The following TECTA variants were observed in gnomAD, a reference collection of about 807,000 sequenced individuals.
The protein encoded by TECTA is tectorin alpha, also known as alpha-tectorin.
In TECTA, 128 loss-of-function variants were observed where a neutral mutation model predicts 216.8. That is an observed-to-expected ratio of 0.59 (90% confidence interval 0.51 to 0.68). TECTA has a LOEUF of 0.68. Ranked by LOEUF, TECTA falls within the 30% of genes least tolerant of loss-of-function variation. The probability of loss-of-function intolerance (pLI) is 0.00; values close to 1 mark genes in which losing one functional copy is unlikely to be tolerated. For missense variants in TECTA, 2,551 were observed against 2,786.2 expected, an observed-to-expected ratio of 0.92 and a Z score of 1.90; for synonymous variants, 1,089 against 1,117.1, an observed-to-expected ratio of 0.97 and a Z score of 0.50.
Position 121,118,654 on chromosome 11 carries a change from A to T in TECTA, c.1139A>T (p.Glu380Val), listed in dbSNP as rs779392787. The part of the protein sequence containing the change: ...RRGSAVSWVK[E>V]LSVEVNGYKI... The stretch of plus-strand genomic sequence containing the variant: ...GGTTCAGCCGTCTCCTGGGTGAAGG[A>T]GCTCTCAGTGGAGGTGAATGGCTAC... Residue 380 changes from glutamate to valine, a missense_variant, in exon 7 of 24, where the codon GAG becomes GTG. Around this residue, in one of 3 missense-constraint regions of TECTA, gnomAD observed 2,375 missense variants for 2,563.9 expected, o/e 0.93. Coordinates refer to ENST00000392793, the MANE Select transcript of TECTA (RefSeq NM_005422.4). 1 of 1,614,110 alleles carries T rather than the reference A, an allele frequency of 6.2e-7. No homozygotes were observed. Among genetic ancestry groups the T allele is most frequent in the South Asian group, 1.1e-5 (1 of 91,078 alleles).
At chr11:121,143,765 G>C (rs566440920) in intron 11 of TECTA, among the ~76,000 whole-genome samples, 6 of 152,318 alleles carry the variant, frequency 3.9e-5, no homozygotes, top group Admixed American at 3.9e-4. Context: ...GTGGGGTCAA[G>C]GGCATCCCTG....
Position 121,105,743 on chromosome 11 carries a change from A to G in TECTA, c.65-88A>G. 6.4e-7 allele frequency: 1 copy of G among 1,563,718 alleles called. No homozygotes were observed. The highest frequency in any genetic ancestry group is 8.7e-7 in the Non-Finnish European group (1 of 1,146,260). On this transcript the variant is annotated intron_variant, in intron 2 of 23. Coordinates refer to ENST00000392793, the MANE Select transcript of TECTA (RefSeq NM_005422.4). The surrounding 1 kb of genome is among the most constrained non-coding windows in gnomAD (Gnocchi z 5.3). ...CATTCAGCTTGCAAGCCCTACTGAAAGAAGCTGGCTTCAGTAGGTAGGAGA... is the reference window on the plus strand; with the variant it reads ...CATTCAGCTTGCAAGCCCTACTGAAGGAAGCTGGCTTCAGTAGGTAGGAGA...
At chr11:121,158,637 A>G (rs1946968707) in intron 14 of TECTA, among the ~76,000 whole-genome samples, 1 of 152,106 alleles carries the variant, frequency 6.6e-6, no homozygotes, top group South Asian at 2.1e-4. Flanking sequence ...CATCCTTTCT[A>G]TAAGCTAAGG....
intron 20 of TECTA, among the ~76,000 whole-genome samples, chr11:121,186,313 G>A (rs921162028): frequency 6.6e-6 from 1 of 152,252 alleles, no homozygotes; most frequent in African/African-American, 2.4e-5. Context: ...CTGGGGACAT[G>A]CAGGCCACTT....
rs940235231 is a variant in TECTA at position 121,175,907 on chromosome 11, C to T, written c.5999+6982C>T. On this transcript the variant is annotated intron_variant, in intron 20 of 23. Coordinates refer to ENST00000392793, the MANE Select transcript of TECTA (RefSeq NM_005422.4). Reference sequence around the variant, plus strand: ...GTGCATATGTATTTAGGATAGTTAGCTCTTCTTGTTGAATTGATCCCTTTA... The same window carrying T: ...GTGCATATGTATTTAGGATAGTTAGTTCTTCTTGTTGAATTGATCCCTTTA... Among the ~76,000 whole-genome samples the T allele has an allele frequency of 3.1e-3, 472 of 152,218 alleles. 2 individuals carry two copies. The highest frequency in any genetic ancestry group is 5.0e-3 in the Non-Finnish European group (339 of 68,004).
At chr11:121,167,429 C>T (rs1947065128) in intron 18 of TECTA, among the ~76,000 whole-genome samples, 1 of 152,078 alleles carries the variant, frequency 6.6e-6, no homozygotes. Context: ...GACCCTGTTG[C>T]TAAAAACAAA....
chr11:121,113,505 A>T lies in TECTA; in HGVS notation c.625-48A>T. 6.2e-7 allele frequency: 1 copy of T among 1,612,770 alleles called. No individual in the cohort carries two copies. Among genetic ancestry groups the T allele is most frequent in the Non-Finnish European group, 8.5e-7 (1 of 1,178,950 alleles). On this transcript the variant is annotated intron_variant, in intron 5 of 23. Transcript: ENST00000392793. The surrounding 1 kb of genome is among the most constrained non-coding windows in gnomAD (Gnocchi z 4.2). The stretch of plus-strand genomic sequence containing the variant: ...ATAAGGTAGTTGGGCCAGTTAACCC[A>T]TGGGGAATTTTTGTACTCAAAAATC...
In TECTA at chr11:121,127,348, TG is replaced by T. The variant is rs1946622523; in HGVS notation, c.1775-402del. Among the ~76,000 whole-genome samples, 1 of 152,222 alleles carries T rather than the reference TG, an allele frequency of 6.6e-6. No homozygotes were observed. The highest frequency in any genetic ancestry group is 2.4e-5 in the African/African-American group (1 of 41,454). ...TACATTTTTCATTTCTCCTGAAAAT[TG>T]GATTTATTTCCTTCTAAGAATGGAC... On this transcript the variant is annotated intron_variant, in intron 8 of 23. Transcript: ENST00000392793. The surrounding 1 kb of genome is among the most constrained non-coding windows in gnomAD (Gnocchi z 5.0).
chr11:121,122,495 A>T (rs912490212), intron 7 of TECTA, among the ~76,000 whole-genome samples: 7 of 152,120 alleles, frequency 4.6e-5, no homozygotes, highest in African/African-American at 1.7e-4. Context: ...AGACTAAAAC[A>T]GAAGATTGGT....
chr11:121,133,686 G>A (rs908383440), intron 10 of TECTA, among the ~76,000 whole-genome samples: 1 of 152,186 alleles, frequency 6.6e-6, no homozygotes, highest in African/African-American at 2.4e-5. Context: ...ATCTTCAGCT[G>A]TGCATCTCCA....
In TECTA at chr11:121,181,571, G is replaced by A. The variant is rs541036712; in HGVS notation, c.6000-6261G>A. Among the ~76,000 whole-genome samples, 5 of 152,250 alleles carry A rather than the reference G, an allele frequency of 3.3e-5. No homozygotes were observed. In the East Asian group the frequency reaches 9.7e-4, roughly 29 times the overall value. ...CACAACCTCTGCCTCCCGGGTTCAA[G>A]TGATTCTCCTGCCTCAGCCTCCTGA... is the stretch of plus-strand genomic sequence containing the variant. On this transcript the variant is annotated intron_variant, in intron 20 of 23. Coordinates refer to ENST00000392793, the MANE Select transcript of TECTA (RefSeq NM_005422.4).
intron 14 of TECTA, among the ~76,000 whole-genome samples, chr11:121,159,821 A>T (rs1421820483): frequency 6.6e-6 from 1 of 152,184 alleles, no homozygotes; most frequent in Non-Finnish European, 1.5e-5. Context: ...CCTCTCCCCT[A>T]CTTCTGCTCC....
At position 121,137,609 on chromosome 11, in the gene TECTA, C is replaced by A; in HGVS notation, c.3130C>A (p.Gln1044Lys). ...GTGTGGCTGCAACTTTGAGGGGCAC[C>A]AACTTGCCACCAATGAGACCTTCTG... is the stretch of plus-strand genomic sequence containing the variant. ...SECGCNFEGH[Q>K]LATNETFWVD... is the part of the protein sequence containing the mutation. The change falls in exon 11 of 24, where the codon CAA becomes AAA. Residue 1044 changes from glutamine (Q) to lysine (K), a missense_variant. Transcript: ENST00000392793. 1.2e-6 allele frequency: 2 copies of A among 1,613,910 alleles called. No individual in the cohort carries two copies. Among genetic ancestry groups the A allele is most frequent in the Non-Finnish European group, 1.7e-6 (2 of 1,179,996 alleles).
At chr11:121,169,578 A>G (rs1245405566) in intron 20 of TECTA, among the ~76,000 whole-genome samples, 4 of 152,220 alleles carry the variant, frequency 2.6e-5, no homozygotes, top group South Asian at 2.1e-4. Flanking sequence ...TAACAGCTTT[A>G]TTGCAAAGAT....
At position 121,178,149 on chromosome 11, in the gene TECTA, G is replaced by A. The variant is rs546859913; in HGVS notation, c.5999+9224G>A. ...TGCTTCCCAAGTGAGGCAATGCCTC[G>A]CCCTGCTTCGGCTCGTGCACGGTGC... is the stretch of plus-strand genomic sequence containing the variant. On this transcript the variant is annotated intron_variant, in intron 20 of 23. Transcript: ENST00000392793. Among the ~76,000 whole-genome samples, 8 of 152,320 alleles carry A rather than the reference G, an allele frequency of 5.3e-5. No homozygotes were observed. The South Asian group carries it at 1.0e-3, about 20-fold the overall frequency.
chr11:121,117,342 C>G (rs1382439432), intron 6 of TECTA, among the ~76,000 whole-genome samples: 1 of 152,164 alleles, frequency 6.6e-6, no homozygotes, highest in Non-Finnish European at 1.5e-5. Flanking sequence ...AGATTTGTGA[C>G]TGCTGCCCAG....
intron 10 of TECTA, 71 bp downstream of exon 10, chr11:121,130,282 G>A (rs1946661418): frequency 3.9e-6 from 6 of 1,544,722 alleles, no homozygotes; most frequent in Admixed American, 1.7e-5. Context: ...CCTTACTCAG[G>A]ACTTCCCTTC....
At position 121,113,805 on chromosome 11, in the gene TECTA, T is replaced by C. The variant is rs1461077491; in HGVS notation, c.790+87T>C. The C allele has an allele frequency of 1.3e-5, 19 of 1,491,460 alleles. No individual in the cohort carries two copies. In the East Asian group the frequency reaches 4.4e-4, roughly 34 times the overall value. The allele number at this position is 1,491,460 out of a possible 1,614,324, so 92.4% of individuals were successfully genotyped here. A position where few individuals can be genotyped will look rare whatever the true frequency, so the allele number is the denominator to read the frequency against. On this transcript the variant is annotated intron_variant, in intron 6 of 23. Coordinates refer to ENST00000392793, the MANE Select transcript of TECTA (RefSeq NM_005422.4). This position sits in a 1 kb window ranked among gnomAD's most constrained non-coding sequence, Gnocchi z 4.2. ...CTTTTAAGCCACGGGGGCGGACTCA[T>C]TCCTGATGCCTTACTCTTTTGACAT...
Position 121,191,256 on chromosome 11 carries a change from T to C in TECTA, c.*450T>C, listed in dbSNP as rs1947337642. The C allele has an allele frequency of 3.7e-6, 1 of 268,540 alleles. No individual in the cohort carries two copies. Among genetic ancestry groups the C allele is most frequent in the Admixed American group, 5.1e-5 (1 of 19,738 alleles). The allele number at this position is 268,540 out of a possible 1,614,324, so 16.6% of individuals were successfully genotyped here. A position where few individuals can be genotyped will look rare whatever the true frequency, so the allele number is the denominator to read the frequency against. On this transcript the variant is annotated 3_prime_UTR_variant, in exon 24 of 24. Transcript: ENST00000392793. ...GACTCCCTCTAAGGAATCTTGCTGGTGTTTGGAAGTGTCCGATCTACGTTA... is the reference window on the plus strand; with the variant it reads ...GACTCCCTCTAAGGAATCTTGCTGGCGTTTGGAAGTGTCCGATCTACGTTA...
Sources: gnomAD v4.1 joint callset for allele counts (sites outside exome capture counted in the v4.1 genomes callset) on GRCh38, gnomAD v4.1.1 for gene constraint, gnomAD v4.1.1 regional missense constraint, Gnocchi (gnomAD v3.1) non-coding constraint, MANE v1.5 for transcripts, NCBI Gene and HGNC (gene_info 2026-07-23, HGNC 2026-07-21) for gene names.